PPP2R2A: variants seen among roughly 807,000 people sequenced by gnomAD.
The protein encoded by PPP2R2A is serine/threonine-protein phosphatase 2A 55 kDa regulatory subunit B alpha isoform.
A neutral mutation model predicts 53.2 loss-of-function variants in PPP2R2A; 9 were observed. The observed-to-expected ratio is 0.17, with a 90% CI of 0.10 to 0.30. The LOEUF (loss-of-function observed/expected upper bound fraction) is 0.30, where lower values mean the gene tolerates loss of function less well. PPP2R2A is among the 10% of genes least tolerant of loss of function. The pLI, the probability that PPP2R2A is intolerant of heterozygous loss-of-function variation, is 1.00. For synonymous variants in PPP2R2A, 169 were observed against 174.2 expected (o/e 0.97, Z 0.23); for missense variants, 235 against 534.6 (o/e 0.44, Z 5.53).
chr8:26,293,160 G>A, intron 1 of PPP2R2A: 1 of 1,346,988 alleles, frequency 7.4e-7, no homozygotes, highest in Non-Finnish European at 1.0e-6. Context: ...TGCTGGTAAT[G>A]AATGCAAAGA....
chr8:26,344,849 C>T (rs1804130775), intron 3 of PPP2R2A, among the ~76,000 whole-genome samples: 1 of 152,146 alleles, frequency 6.6e-6, no homozygotes, highest in Admixed American at 6.5e-5. Flanking sequence ...TATCCCTTAT[C>T]TGAAATGCTT....
At chr8:26,319,881 G>T (rs1338725051) in intron 2 of PPP2R2A, among the ~76,000 whole-genome samples, 1 of 152,048 alleles carries the variant, frequency 6.6e-6, no homozygotes, top group East Asian at 1.9e-4. Flanking sequence ...TGTCTCCTTG[G>T]ATGAATTTAT....
At chr8:26,327,991 A>C (rs17055128) in intron 2 of PPP2R2A, among the ~76,000 whole-genome samples, 1 of 152,160 alleles carries the variant, frequency 6.6e-6, no homozygotes, top group Non-Finnish European at 1.5e-5. Context: ...AAGGTGATCT[A>C]TAGTACCAGC....
intron 7 of PPP2R2A, chr8:26,363,513 C>T (rs1805223214): frequency 2.2e-6 from 1 of 451,588 alleles, no homozygotes. Context: ...AAGTATACTG[C>T]ATACTTATGC....
At chr8:26,294,613 T>G (rs1231088521) in intron 2 of PPP2R2A, among the ~76,000 whole-genome samples, 2 of 152,220 alleles carry the variant, frequency 1.3e-5, no homozygotes, top group African/African-American at 4.8e-5. Flanking sequence ...AATTTAAACA[T>G]GTACTTGTGA....
chr8:26,307,462 A>C (rs1402090521), intron 2 of PPP2R2A, among the ~76,000 whole-genome samples: 2 of 152,220 alleles, frequency 1.3e-5, no homozygotes, highest in Non-Finnish European at 2.9e-5. Context: ...GTGTGTTCTT[A>C]AGTGTTCAGT....
chr8:26,340,406 C>T (rs1045364178), intron 3 of PPP2R2A, among the ~76,000 whole-genome samples: 1 of 151,920 alleles, frequency 6.6e-6, no homozygotes, highest in African/African-American at 2.4e-5. Context: ...TTAGAGCAGA[C>T]CTTCCCATAG....
At chr8:26,356,522 A>AT (rs1485600017) in intron 4 of PPP2R2A, among the ~76,000 whole-genome samples, 1 of 152,216 alleles carries the variant, frequency 6.6e-6, no homozygotes, top group Non-Finnish European at 1.5e-5. Context: ...TATTCCTGTC[A>AT]TATGCTAGCT....
Position 26,354,359 on chromosome 8 carries a change from C to A in PPP2R2A, c.181-109C>A. The A allele has an allele frequency of 2.4e-6, 2 of 822,310 alleles. No individual in the cohort carries two copies. The highest frequency in any genetic ancestry group is 3.5e-6 in the Non-Finnish European group (2 of 574,114). The allele number at this position is 822,310 out of a possible 1,614,324, so 50.9% of individuals were successfully genotyped here. ...AACAGAATGTAATTGTATAAAGACA[C>A]AACTAATGGGGTATTGAGAATGTGC... On this transcript the variant is annotated intron_variant, in intron 3 of 9. Transcript: ENST00000380737. The surrounding 1 kb of genome is among the most constrained non-coding windows in gnomAD (Gnocchi z 4.6).
intron 2 of PPP2R2A, among the ~76,000 whole-genome samples, chr8:26,323,644 T>G (rs763217064): frequency 1.2e-4 from 19 of 152,192 alleles, no homozygotes; most frequent in Non-Finnish European, 2.2e-4. Flanking sequence ...AATGAACAGC[T>G]ACATGAAGAG....
rs1221858198 is a variant in PPP2R2A at position 26,363,776 on chromosome 8, C to T, written c.858C>T (p.Ser286=). 2 of 1,607,212 alleles carry T rather than the reference C, an allele frequency of 1.2e-6. No individual in the cohort carries two copies. The highest frequency in any genetic ancestry group is 1.7e-6 in the Non-Finnish European group (2 of 1,175,208). Residue 286 remains serine, a synonymous_variant, in exon 8 of 10, where the codon TCC becomes TCT. Coordinates refer to ENST00000380737, the MANE Select transcript of PPP2R2A (RefSeq NM_002717.4). ...GGTCATTTTTTTCCGAAATCATCTCCTCTATTTCGGATGTAAAATTCAGCC... is the reference window on the plus strand; with the variant it reads ...GGTCATTTTTTTCCGAAATCATCTCTTCTATTTCGGATGTAAAATTCAGCC... ...SNRSFFSEII[S]SISDVKFSHS...
chr8:26,366,133 T>C, intron 8 of PPP2R2A, 182 bp from the exon 9 acceptor site: 1 of 527,496 alleles, frequency 1.9e-6, no homozygotes, highest in South Asian at 2.8e-5. Context: ...TGTACCTCCC[T>C]GAAGGGCTTG....
intron 2 of PPP2R2A, among the ~76,000 whole-genome samples, chr8:26,299,367 A>T (rs1396557189): frequency 6.6e-6 from 1 of 152,200 alleles, no homozygotes; most frequent in East Asian, 1.9e-4. Context: ...GTTATTAAAT[A>T]TTTAATAATG....
chr8:26,317,855 G>C (rs1413487593), intron 2 of PPP2R2A, among the ~76,000 whole-genome samples: 1 of 152,218 alleles, frequency 6.6e-6, no homozygotes, highest in Admixed American at 6.5e-5. Flanking sequence ...TTGCAGGTTT[G>C]TTCTGCTCAG....
Position 26,362,589 on chromosome 8 carries a change from TG to T in PPP2R2A, c.638-94del. The T allele has an allele frequency of 8.8e-7, 1 of 1,131,262 alleles. No homozygotes were observed. The highest frequency in any genetic ancestry group is 1.3e-6 in the Non-Finnish European group (1 of 798,078). 70.1% of individuals were successfully genotyped at this position (1,131,262 alleles called of 1,614,324 possible). On this transcript the variant is annotated intron_variant, in intron 6 of 9. Transcript: ENST00000380737. The surrounding 1 kb of genome is among the most constrained non-coding windows in gnomAD (Gnocchi z 4.4). ...GAGTGCAATTCAGAATTAATATTTTTGCTTAGGTCCATGAATGGGTTTTAGG... is the reference window on the plus strand; with the variant it reads ...GAGTGCAATTCAGAATTAATATTTTTCTTAGGTCCATGAATGGGTTTTAGG...
At chr8:26,329,390 C>G (rs1037363470) in intron 2 of PPP2R2A, among the ~76,000 whole-genome samples, 2 of 152,084 alleles carry the variant, frequency 1.3e-5, no homozygotes, top group Non-Finnish European at 2.9e-5. Context: ...TTTTTTTCAA[C>G]TCCTTATTCC....
At chr8:26,303,759 A>C (rs1390656784) in intron 2 of PPP2R2A, among the ~76,000 whole-genome samples, 2 of 152,210 alleles carry the variant, frequency 1.3e-5, no homozygotes, top group Non-Finnish European at 2.9e-5. Context: ...TTTAAAAAAA[A>C]ACTCCGCTAA....
chr8:26,347,871 C>T (rs1804299043), intron 3 of PPP2R2A, among the ~76,000 whole-genome samples: 1 of 152,046 alleles, frequency 6.6e-6, no homozygotes, highest in Non-Finnish European at 1.5e-5. Flanking sequence ...CTATCGTTAT[C>T]ATTAGTTTAG....
At chr8:26,307,299 C>T (rs981000581) in intron 2 of PPP2R2A, among the ~76,000 whole-genome samples, 4 of 152,278 alleles carry the variant, frequency 2.6e-5, no homozygotes, top group Middle Eastern at 3.4e-3. Context: ...TTCACAGATA[C>T]TGGAGTCTTC....
Sources: allele counts gnomAD v4.1 joint callset (sites outside exome capture counted in the v4.1 genomes callset), GRCh38; gene constraint gnomAD v4.1.1; non-coding constraint Gnocchi (gnomAD v3.1); transcripts MANE v1.5; gene names NCBI Gene and HGNC (gene_info 2026-07-23, HGNC 2026-07-21).